Variants in SUCLA2 observed in about 807,000 individuals in gnomAD.
SUCLA2 encodes succinate-CoA ligase ADP-forming subunit beta.
In SUCLA2, 30 loss-of-function variants were observed where a neutral mutation model predicts 54.8. The observed-to-expected ratio is 0.55, with a 90% CI of 0.41 to 0.74. The LOEUF (loss-of-function observed/expected upper bound fraction) is 0.74, where lower values mean the gene tolerates loss of function less well. Ranked by LOEUF, SUCLA2 falls within the 30% of genes least tolerant of loss-of-function variation. The probability of loss-of-function intolerance (pLI) is 0.00; values close to 1 mark genes in which losing one functional copy is unlikely to be tolerated. For synonymous variants in SUCLA2, 172 were observed against 188.9 expected (o/e 0.91, Z 0.74); for missense variants, 476 against 562.9 (o/e 0.85, Z 1.56).
intron 2 of SUCLA2, among the ~76,000 whole-genome samples, chr13:47,994,249 A>T (rs1477380610): frequency 2.1e-4 from 32 of 151,830 alleles, no homozygotes; most frequent in Admixed American, 2.1e-3. Context: ...CATAATCGTT[A>T]TCTTTTGTTA....
At chr13:47,974,195 T>C (rs1381117847) in intron 4 of SUCLA2, among the ~76,000 whole-genome samples, 7 of 152,084 alleles carry the variant, frequency 4.6e-5, no homozygotes, top group Non-Finnish European at 1.0e-4. Context: ...AAGTATTGCT[T>C]AAAGCATAAA....
At position 47,942,685 on chromosome 13, in the gene SUCLA2, T is replaced by C. The variant is rs891982662; in HGVS notation, c.*686A>G. ...ATTGGGAGATTTTTATTAACTTAAA[T>C]TGACATTCTTAATTTTGTCTGTAAG... On this transcript the variant is annotated 3_prime_UTR_variant, in exon 11 of 11. Transcript: ENST00000646932. The C allele has an allele frequency of 2.0e-5, 3 of 152,262 alleles. No individual in the cohort carries two copies. In the East Asian group the frequency reaches 5.8e-4, roughly 29 times the overall value. The allele number at this position is 152,262 out of a possible 1,614,324, so 9.4% of individuals were successfully genotyped here.
At chr13:47,987,672 A>C (rs1950114245) in intron 4 of SUCLA2, 2 of 152,134 alleles carry the variant, frequency 1.3e-5, no homozygotes. Context: ...GTAAATAAGA[A>C]AAATCACAAT....
At chr13:47,961,340 G>C (rs978144536) in intron 6 of SUCLA2, among the ~76,000 whole-genome samples, 4 of 152,078 alleles carry the variant, frequency 2.6e-5, no homozygotes, top group Non-Finnish European at 5.9e-5. Flanking sequence ...TTATTGCTTA[G>C]GAAAATTAGT....
chr13:47,987,871 C>A (rs1566091357), intron 4 of SUCLA2: 1 of 151,918 alleles, frequency 6.6e-6, no homozygotes, highest in Non-Finnish European at 1.5e-5. Context: ...CTTGTAAAAC[C>A]TAATACCCTC....
Position 47,968,504 on chromosome 13 carries a change from A to G in SUCLA2, c.802+91T>C, listed in dbSNP as rs997981116. 4.7e-6 allele frequency: 7 copies of G among 1,475,020 alleles called. No individual in the cohort carries two copies. The South Asian group carries it at 7.1e-5, about 15-fold the overall frequency. 91.4% of individuals were successfully genotyped at this position (1,475,020 alleles called of 1,614,324 possible). A position where few individuals can be genotyped will look rare whatever the true frequency, so the allele number is the denominator to read the frequency against. On this transcript the variant is annotated intron_variant, in intron 6 of 10. Coordinates refer to ENST00000646932, the MANE Select transcript of SUCLA2 (RefSeq NM_003850.3). ...AAAGCTTCTACATAGGTAGAAGTTT[A>G]ACTACTTTAACTTCTATGATTTAAC...
Position 47,943,410 on chromosome 13 carries a change from C to T in SUCLA2, c.1353G>A (p.Lys451=), listed in dbSNP as rs754141542. 16 of 1,613,748 alleles carry T rather than the reference C, an allele frequency of 9.9e-6. No individual in the cohort carries two copies. Among genetic ancestry groups the T allele is most frequent in the Middle Eastern group, 1.6e-4 (1 of 6,080 alleles). The change falls in exon 11 of 11, where the codon AAG becomes AAA. Residue 451 remains lysine (K), a synonymous_variant. Coordinates refer to ENST00000646932, the MANE Select transcript of SUCLA2 (RefSeq NM_003850.3). Reference sequence around the variant, plus strand: ...GAAATTTCACATCCACATGTGCTTGCTTCGCTAAGGTCACTATTTCAGAGA... The same window carrying T: ...GAAATTTCACATCCACATGTGCTTGTTTCGCTAAGGTCACTATTTCAGAGA... ...VKLSEIVTLA[K]QAHVDVKFQL...
chr13:47,971,566 A>C, intron 5 of SUCLA2: 2 of 269,728 alleles, frequency 7.4e-6, no homozygotes, highest in Non-Finnish European at 1.4e-5. Context: ...AGTGGGGGGA[A>C]GAATGGAGGG....
At chr13:47,979,886 G>GCA (rs1950047345) in intron 4 of SUCLA2, among the ~76,000 whole-genome samples, 1 of 152,078 alleles carries the variant, frequency 6.6e-6, no homozygotes, top group Non-Finnish European at 1.5e-5. Flanking sequence ...TAAAGATTCT[G>GCA]CACACACACA....
intron 2 of SUCLA2, among the ~76,000 whole-genome samples, chr13:47,992,041 G>C (rs1048022965): frequency 6.6e-5 from 10 of 152,096 alleles, no homozygotes; most frequent in African/African-American, 2.4e-4. Context: ...ACTTGTTTCT[G>C]TTTACCTGTC....
chr13:47,980,289 C>T (rs1353470226), intron 4 of SUCLA2, among the ~76,000 whole-genome samples: 1 of 152,064 alleles, frequency 6.6e-6, no homozygotes, highest in East Asian at 1.9e-4. Flanking sequence ...GTGGCGGGAG[C>T]CTGTAGTTCC....
chr13:47,989,116 AT>A, intron 2 of SUCLA2, 135 bp from the exon 3 acceptor site: 2 of 815,518 alleles, frequency 2.5e-6, no homozygotes, highest in Non-Finnish European at 4.0e-6. Flanking sequence ...AAAATAAGGC[AT>A]TCTCTTTATG....
intron 10 of SUCLA2, 26 bp downstream of exon 10, chr13:47,948,914 T>G (rs1342852674): frequency 6.2e-7 from 1 of 1,603,880 alleles, no homozygotes; most frequent in African/African-American, 1.3e-5. Flanking sequence ...TTATAAATCC[T>G]CCTTAGATGA....
At chr13:47,998,855 G>C (rs2182374) in intron 1 of SUCLA2, among the ~76,000 whole-genome samples, 4,309 of 152,272 alleles carry the variant, frequency 0.028, 96 homozygotes, top group South Asian at 0.081. Flanking sequence ...AATTAATCTA[G>C]CTATCCACTT....
intron 4 of SUCLA2, among the ~76,000 whole-genome samples, chr13:47,981,120 A>C (rs1320647437): frequency 6.6e-6 from 1 of 152,198 alleles, no homozygotes; most frequent in Non-Finnish European, 1.5e-5. Context: ...AAACTTAAAA[A>C]CTTCACAGCA....
chr13:47,998,018 A>G (rs916344138), intron 1 of SUCLA2, among the ~76,000 whole-genome samples: 20 of 152,216 alleles, frequency 1.3e-4, no homozygotes, highest in African/African-American at 4.8e-4. Flanking sequence ...AATCATATAT[A>G]ATAGCAACTT....
At chr13:47,948,817 C>CT in intron 10 of SUCLA2, 123 bp downstream of exon 10, 1 of 951,006 alleles carries the variant, frequency 1.1e-6, no homozygotes, top group Non-Finnish European at 1.7e-6. Context: ...TAATCGTTTT[C>CT]TTTAACCATT....
At chr13:47,955,007 A>T (rs1053446687) in intron 6 of SUCLA2, among the ~76,000 whole-genome samples, 1 of 152,016 alleles carries the variant, frequency 6.6e-6, no homozygotes, top group Non-Finnish European at 1.5e-5. Flanking sequence ...CGACTTGCTA[A>T]AACAGTTTTA....
At chr13:47,945,967 T>C (rs1242996212) in intron 10 of SUCLA2, 1 of 152,224 alleles carries the variant, frequency 6.6e-6, no homozygotes. Context: ...GGCTCAATGA[T>C]CCAGGATGAA....
Sources: allele counts gnomAD v4.1 joint callset (sites outside exome capture counted in the v4.1 genomes callset), GRCh38; gene constraint gnomAD v4.1.1; transcripts MANE v1.5; gene names NCBI Gene and HGNC (gene_info 2026-07-23, HGNC 2026-07-21).